The following TAF1A variants were observed in gnomAD, a reference collection of about 807,000 sequenced individuals.
TAF1A encodes the protein TATA box-binding protein-associated factor RNA polymerase I subunit A.
TAF1A carries 42 observed loss-of-function variants against 61.6 expected under a neutral mutation model. The observed-to-expected ratio is 0.68, with a 90% CI of 0.53 to 0.88. The LOEUF (loss-of-function observed/expected upper bound fraction) is 0.88. Ranked by LOEUF, TAF1A falls within the 40% of genes least tolerant of loss-of-function variation. TAF1A has a pLI of 0.00. For missense variants in TAF1A, 424 were observed against 518.7 expected, an observed-to-expected ratio of 0.82 and a Z score of 1.77; for synonymous variants, 179 against 177.7, an observed-to-expected ratio of 1.01 and a Z score of -0.06.
In TAF1A at chr1:222,569,682, A is replaced by G. The variant is rs759608811; in HGVS notation, c.736-14T>C. On this transcript the variant is annotated splice_polypyrimidine_tract_variant and intron_variant, in intron 6 of 10. Coordinates refer to ENST00000352967, the MANE Select transcript of TAF1A (RefSeq NM_005681.4). ...GAATTCCAGCATCTATATAAAATAAATCATAATATCTTAGCTGAATTCTGT... is the reference window on the plus strand; with the variant it reads ...GAATTCCAGCATCTATATAAAATAAGTCATAATATCTTAGCTGAATTCTGT... 1 of 1,601,832 alleles carries G rather than the reference A, an allele frequency of 6.2e-7. No homozygotes were observed. The highest frequency in any genetic ancestry group is 1.1e-5 in the South Asian group (1 of 88,438).
chr1:222,560,352 C>T (rs1057108973), intron 10 of TAF1A, among the ~76,000 whole-genome samples: 1 of 152,100 alleles, frequency 6.6e-6, no homozygotes, highest in African/African-American at 2.4e-5. Flanking sequence ...CACTTTGATG[C>T]GATGTTCACA....
At chr1:222,581,923 C>T (rs771465945) in intron 3 of TAF1A, among the ~76,000 whole-genome samples, 5 of 152,082 alleles carry the variant, frequency 3.3e-5, no homozygotes, top group Non-Finnish European at 2.9e-5. Context: ...AAATTGTTTC[C>T]GCTTTTTAAA....
intron 7 of TAF1A, 189 bp downstream of exon 7, chr1:222,569,321 C>A (rs928055715): frequency 6.6e-6 from 10 of 1,517,112 alleles, no homozygotes; most frequent in Non-Finnish European, 8.8e-6. Context: ...CTCATCCGGG[C>A]AGCAGGGGAT....
chr1:222,588,547 TC>T lies in TAF1A; in HGVS notation c.16del (p.Glu6LysfsTer3). On this transcript the variant is annotated frameshift_variant, in exon 2 of 11. Transcript: ENST00000352967. LOFTEE classifies it high-confidence loss of function. ...ATCTGTCACAGGCCCTTTTAATTCT[TC>T]ACTGAAATCACTCATACCTATTACA... MSDFS[E>X]ELKGPVTDDE... The T allele has an allele frequency of 6.2e-7, 1 of 1,613,936 alleles. No individual in the cohort carries two copies. The highest frequency in any genetic ancestry group is 8.5e-7 in the Non-Finnish European group (1 of 1,179,930).
At chr1:222,567,139 T>C (rs1327055742) in intron 7 of TAF1A, among the ~76,000 whole-genome samples, 2 of 152,228 alleles carry the variant, frequency 1.3e-5, no homozygotes, top group Non-Finnish European at 1.5e-5. Context: ...CGTTCTGATA[T>C]ATGCTACAAC....
intron 5 of TAF1A, among the ~76,000 whole-genome samples, chr1:222,576,669 T>C (rs184844234): frequency 2.6e-5 from 4 of 152,322 alleles, no homozygotes; most frequent in Admixed American, 6.5e-5. Flanking sequence ...AAATTGTCCA[T>C]TATAACCTTT....
At chr1:222,556,006 A>G (rs568598115), downstream of TAF1A, among the ~76,000 whole-genome samples, 3 of 152,266 alleles carry the variant, frequency 2.0e-5, no homozygotes, top group East Asian at 5.8e-4. Flanking sequence ...TACAGGTGGT[A>G]GGGTTCAGTA....
chr1:222,571,135 T>G (rs1347756830), intron 5 of TAF1A, among the ~76,000 whole-genome samples: 1 of 151,990 alleles, frequency 6.6e-6, no homozygotes, highest in African/African-American at 2.4e-5. Context: ...GACCAAAACC[T>G]CATGATCATC....
downstream of TAF1A, among the ~76,000 whole-genome samples, chr1:222,556,751 C>A (rs1002823740): frequency 7.9e-5 from 12 of 152,144 alleles, no homozygotes; most frequent in Admixed American, 2.6e-4. Flanking sequence ...CTACTCATTT[C>A]TTTTATTCTC....
chr1:222,580,919 G>A (rs1660764016), intron 3 of TAF1A, among the ~76,000 whole-genome samples: 1 of 152,080 alleles, frequency 6.6e-6, no homozygotes, highest in Non-Finnish European at 1.5e-5. Flanking sequence ...TTGGGAGGCC[G>A]AGGCGGGTGG....
chr1:222,579,523 G>A (rs1660701255), intron 4 of TAF1A, among the ~76,000 whole-genome samples: 1 of 152,090 alleles, frequency 6.6e-6, no homozygotes, highest in Non-Finnish European at 1.5e-5. Context: ...ACTGGTTTTG[G>A]CAGCCAGAAG....
At position 222,588,482 on chromosome 1, in the gene TAF1A, T is replaced by G. The variant is rs185633116; in HGVS notation, c.82A>C (p.Met28Leu). 1.2e-5 allele frequency: 19 copies of G among 1,614,056 alleles called. No homozygotes were observed. In the East Asian group the frequency reaches 4.0e-4, roughly 34 times the overall value. Residue 28 changes from methionine (M) to leucine (L), a missense_variant, in exon 2 of 11, where the codon ATG becomes CTG. Coordinates refer to ENST00000352967, the MANE Select transcript of TAF1A (RefSeq NM_005681.4). ...VETSVLSGAG[M>L]HFPWLQTYVE... ...TATGTTTGAAGCCAAGGAAAATGCA[T>G]TCCTGCACCACTGAGCACAGATGTT...
intron 5 of TAF1A, among the ~76,000 whole-genome samples, chr1:222,572,890 A>G (rs1413254082): frequency 6.6e-6 from 1 of 152,218 alleles, no homozygotes; most frequent in Non-Finnish European, 1.5e-5. Flanking sequence ...ATGTGATACC[A>G]AAACCACAAG....
Position 222,570,067 on chromosome 1 carries a change from T to C in TAF1A, c.736-399A>G, listed in dbSNP as rs1390497793. On this transcript the variant is annotated intron_variant, in intron 6 of 10. Coordinates refer to ENST00000352967, the MANE Select transcript of TAF1A (RefSeq NM_005681.4). ...AATTATCAACTTGCCACTCATTAAC[T>C]TTCACAAAGCAAATTATTTTGAAGA... 2.0e-5 allele frequency among the ~76,000 whole-genome samples: 3 copies of C among 152,200 alleles called. No individual in the cohort carries two copies. The East Asian group carries it at 5.8e-4, about 29-fold the overall frequency.
chr1:222,569,473 C>G, intron 7 of TAF1A, 37 bp downstream of exon 7: 1 of 1,613,298 alleles, frequency 6.2e-7, no homozygotes, highest in Non-Finnish European at 8.5e-7. Flanking sequence ...ATGTAGATTC[C>G]CAACCCTGGT....
At position 222,569,626 on chromosome 1, in the gene TAF1A, G is replaced by C; in HGVS notation, c.778C>G (p.Leu260Val). ...TTTTCATCATATGCATAATTGGTGAGTACCTCTTGGGCTCCATCTCGATCC... is the reference window on the plus strand; with the variant it reads ...TTTTCATCATATGCATAATTGGTGACTACCTCTTGGGCTCCATCTCGATCC... ...YGDRDGAQEV[L>V]TNYAYDEKFP... Residue 260 changes from leucine (L) to valine (V), a missense_variant, in exon 7 of 11, where the codon CTC (leucine) becomes GTC (valine). Transcript: ENST00000352967. 2.5e-6 allele frequency: 4 copies of C among 1,613,886 alleles called. No individual in the cohort carries two copies. Among genetic ancestry groups the C allele is most frequent in the Non-Finnish European group, 3.4e-6 (4 of 1,179,904 alleles).
Position 222,569,638 on chromosome 1 carries a change from C to A in TAF1A, c.766G>T (p.Ala256Ser), listed in dbSNP as rs780895353. The change falls in exon 7 of 11, where the codon GCC becomes TCC. Residue 256 changes from alanine (A) to serine (S), a missense_variant. By Grantham distance (99) the Ala-to-Ser change is moderately conservative. Transcript: ENST00000352967. ...GCATAATTGGTGAGTACCTCTTGGG[C>A]TCCATCTCGATCCCCATAGAATTCC... ...MLEFYGDRDG[A>S]QEVLTNYAYD... is the part of the protein sequence containing the mutation. 1 of 1,613,752 alleles carries A rather than the reference C, an allele frequency of 6.2e-7. No homozygotes were observed. Among genetic ancestry groups the A allele is most frequent in the Non-Finnish European group, 8.5e-7 (1 of 1,179,862 alleles).
chr1:222,562,488 C>G (rs997467789), intron 9 of TAF1A, among the ~76,000 whole-genome samples: 2 of 152,152 alleles, frequency 1.3e-5, no homozygotes, highest in African/African-American at 2.4e-5. Context: ...ATTTTATAAA[C>G]AGCACTGTCC....
chr1:222,571,793 T>C (rs1660363526), intron 5 of TAF1A, among the ~76,000 whole-genome samples: 1 of 152,228 alleles, frequency 6.6e-6, no homozygotes, highest in Non-Finnish European at 1.5e-5. Context: ...GATCTACAGA[T>C]ACATGTAATT....
Sources: allele counts gnomAD v4.1 joint callset (sites outside exome capture counted in the v4.1 genomes callset), GRCh38; gene constraint gnomAD v4.1.1; transcripts MANE v1.5; gene names NCBI Gene and HGNC (gene_info 2026-07-23, HGNC 2026-07-21).